UGT1A3: variants seen among roughly 807,000 people sequenced by gnomAD.
UGT1A3 encodes the protein UDP-glucuronosyltransferase 1A3.
Under a neutral mutation model 41.0 loss-of-function variants are expected in UGT1A3, and 31 were observed. The ratio of observed to expected loss-of-function variants is 0.76; its 90% CI spans 0.57 to 1.02. UGT1A3 has a LOEUF of 1.02. Among genes scored for constraint, UGT1A3 ranks in the 50% least tolerant of loss-of-function variants. UGT1A3 has a pLI of 0.00. For synonymous variants in UGT1A3, 262 were observed against 257.6 expected, an observed-to-expected ratio of 1.02 and a Z score of -0.17; for missense variants, 737 against 671.0, an observed-to-expected ratio of 1.10 and a Z score of -1.09.
chr2:233,734,549 C>A (rs1463144375), intron 1 of UGT1A3, among the ~76,000 whole-genome samples: 2 of 152,092 alleles, frequency 1.3e-5, no homozygotes, highest in Non-Finnish European at 2.9e-5. Flanking sequence ...TTCTTCCCTT[C>A]TGCTAGCTTT....
At chr2:233,739,348 G>A (rs1455435875) in intron 1 of UGT1A3, among the ~76,000 whole-genome samples, 7 of 152,152 alleles carry the variant, frequency 4.6e-5, no homozygotes, top group Admixed American at 4.6e-4. Context: ...GAACCCAGAA[G>A]GGCAGATCCA....
At chr2:233,768,058 CTT>C in intron 3 of UGT1A3, 122 bp downstream of exon 3, 1 of 1,601,872 alleles carries the variant, frequency 6.2e-7, no homozygotes, top group East Asian at 2.2e-5. Context: ...TCCTACATTG[CTT>C]TTTATCTAGT....
intron 1 of UGT1A3, among the ~76,000 whole-genome samples, chr2:233,739,663 T>C (rs1172475020): frequency 6.6e-6 from 1 of 152,246 alleles, no homozygotes; most frequent in Non-Finnish European, 1.5e-5. Context: ...ACCCCCATTG[T>C]GTCTTGGAAG....
chr2:233,755,027 C>A (rs759197919), intron 1 of UGT1A3: 14 of 1,309,218 alleles, frequency 1.1e-5, no homozygotes, highest in Non-Finnish European at 1.4e-5. Flanking sequence ...CCTTGAAGGG[C>A]CTGCCGCCTG....
At chr2:233,750,678 C>T (rs1368928453) in intron 1 of UGT1A3, 1 of 151,600 alleles carries the variant, frequency 6.6e-6, no homozygotes, top group Admixed American at 6.5e-5. Context: ...CCCAGTGGCT[C>T]CAGCCATGGC....
At chr2:233,747,700 A>T (rs538337941) in intron 1 of UGT1A3, 1 of 1,612,078 alleles carries the variant, frequency 6.2e-7, no homozygotes, top group African/African-American at 1.3e-5. Context: ...GTGCTGGCTA[A>T]GTACCTATCA....
Position 233,743,740 on chromosome 2 carries a change from G to C in UGT1A3, c.867+13747G>C, listed in dbSNP as rs370997418. The C allele has an allele frequency of 1.2e-4, 170 of 1,367,378 alleles. 1 individual carries two copies. The highest frequency in any genetic ancestry group is 2.3e-4 in the South Asian group (20 of 88,054). The allele number at this position is 1,367,378 out of a possible 1,614,324, so 84.7% of individuals were successfully genotyped here. ...AGCGGTCATAGATATCGCGTTTCTTGGCGTCCGACAACACCTCGTAGGCCT... is the reference window on the plus strand; with the variant it reads ...AGCGGTCATAGATATCGCGTTTCTTCGCGTCCGACAACACCTCGTAGGCCT... On this transcript the variant is annotated intron_variant, in intron 1 of 4. Coordinates refer to ENST00000482026, the MANE Select transcript of UGT1A3 (RefSeq NM_019093.4).
chr2:233,767,603 A>G (rs1699427666), intron 2 of UGT1A3, among the ~76,000 whole-genome samples: 1 of 152,166 alleles, frequency 6.6e-6, no homozygotes, highest in African/African-American at 2.4e-5. Context: ...GGAAAGTGAA[A>G]AAATCCTAAG....
chr2:233,750,239 C>A (rs1187783492), intron 1 of UGT1A3, among the ~76,000 whole-genome samples: 6 of 151,854 alleles, frequency 4.0e-5, no homozygotes, highest in African/African-American at 1.2e-4. Context: ...TTATTGGGAA[C>A]TGGAACAAAG....
At chr2:233,738,344 C>T (rs187057968) in intron 1 of UGT1A3, among the ~76,000 whole-genome samples, 43 of 152,222 alleles carry the variant, frequency 2.8e-4, no homozygotes, top group African/African-American at 1.0e-3. Flanking sequence ...AAATTGGTGT[C>T]ATGGAGAGTG....
At chr2:233,741,718 G>A (rs530950175) in intron 1 of UGT1A3, 1 of 151,874 alleles carries the variant, frequency 6.6e-6, no homozygotes, top group Non-Finnish European at 1.5e-5. Flanking sequence ...GGGTTCTAGA[G>A]CATATCCAAA....
At position 233,729,379 on chromosome 2, in the gene UGT1A3, A is replaced by C; in HGVS notation, c.253A>C (p.Thr85Pro). 1 of 1,613,990 alleles carries C rather than the reference A, an allele frequency of 6.2e-7. No homozygotes were observed. The highest frequency in any genetic ancestry group is 1.1e-5 in the South Asian group (1 of 91,052). The change falls in exon 1 of 5, where the codon ACC becomes CCC. Residue 85 changes from threonine (T) to proline (P), a missense_variant. Thr to Pro is a conservative substitution (Grantham distance 38, BLOSUM62 -1). Coordinates refer to ENST00000482026, the MANE Select transcript of UGT1A3 (RefSeq NM_019093.4). ...CCTGACAACCTATGCCATTTCGTGGACCCAGGATGAATTTGATCGCCATGT... is the reference window on the plus strand; with the variant it reads ...CCTGACAACCTATGCCATTTCGTGGCCCCAGGATGAATTTGATCGCCATGT... Reference protein sequence around the residue: ...FTLTTYAISWTQDEFDRHVLG... With the variant: ...FTLTTYAISWPQDEFDRHVLG...
At chr2:233,760,224 G>T in intron 1 of UGT1A3, 1 of 1,586,312 alleles carries the variant, frequency 6.3e-7, no homozygotes. Flanking sequence ...TGTATCGATT[G>T]GTTTTTGCCA....
At chr2:233,732,540 C>T (rs929935072) in intron 1 of UGT1A3, among the ~76,000 whole-genome samples, 1 of 152,202 alleles carries the variant, frequency 6.6e-6, no homozygotes, top group Non-Finnish European at 1.5e-5. Context: ...CCAGTTTTCC[C>T]AGCACCATTT....
intron 1 of UGT1A3, among the ~76,000 whole-genome samples, chr2:233,737,291 C>T (rs771202553): frequency 3.3e-5 from 5 of 152,210 alleles, no homozygotes; most frequent in South Asian, 2.1e-4. Context: ...GCCAGGCTGC[C>T]GCCTCACAGT....
At chr2:233,740,216 C>T (rs2125828149) in intron 1 of UGT1A3, among the ~76,000 whole-genome samples, 1 of 151,920 alleles carries the variant, frequency 6.6e-6, no homozygotes, top group Admixed American at 6.5e-5. Flanking sequence ...CCAGTCTCAG[C>T]TGCGTCTTTA....
intron 1 of UGT1A3, among the ~76,000 whole-genome samples, chr2:233,735,286 T>C (rs1434598699): frequency 2.0e-5 from 3 of 152,196 alleles, no homozygotes; most frequent in African/African-American, 7.2e-5. Flanking sequence ...CTTTGTCTCT[T>C]TTGATTTTTG....
chr2:233,748,192 G>A, intron 1 of UGT1A3: 1 of 1,554,576 alleles, frequency 6.4e-7, no homozygotes, highest in South Asian at 1.2e-5. Flanking sequence ...TTTTATTTCT[G>A]CTTGTCGTAA....
chr2:233,755,095 C>T (rs1348652333), intron 1 of UGT1A3: 32 of 1,334,722 alleles, frequency 2.4e-5, no homozygotes, highest in Non-Finnish European at 3.1e-5. Context: ...CGTTTCTACG[C>T]GTCCGACAAC....
Sources: allele counts gnomAD v4.1 joint callset (sites outside exome capture counted in the v4.1 genomes callset), GRCh38; gene constraint gnomAD v4.1.1; transcripts MANE v1.5; gene names NCBI Gene and HGNC (gene_info 2026-07-23, HGNC 2026-07-21).